COA7: variants seen among roughly 807,000 people sequenced by gnomAD.
COA7 encodes the protein cytochrome c oxidase assembly factor 7.
Under a neutral mutation model 21.0 loss-of-function variants are expected in COA7, and 12 were observed. That is an observed-to-expected ratio of 0.57 (90% CI 0.37 to 0.92). COA7 has a LOEUF of 0.92. Among genes scored for constraint, COA7 ranks in the 40% least tolerant of loss-of-function variants. COA7 has a pLI of 0.01. For synonymous variants in COA7, 95 were observed against 107.4 expected, an observed-to-expected ratio of 0.88 and a Z score of 0.72; for missense variants, 240 against 286.1, an observed-to-expected ratio of 0.84 and a Z score of 1.16.
chr1:52,694,960 A>G (rs755671628), intron 1 of COA7, among the ~76,000 whole-genome samples: 1 of 152,144 alleles, frequency 6.6e-6, no homozygotes, highest in African/African-American at 2.4e-5. Flanking sequence ...ATTTTTTCCA[A>G]CTGAAACAGT....
rs1426185456 is a variant in COA7 at position 52,687,864 on chromosome 1, G to A, written c.552C>T (p.Ile184=). 6.2e-7 allele frequency: 1 copy of A among 1,614,242 alleles called. No individual in the cohort carries two copies. The highest frequency in any genetic ancestry group is 8.5e-7 in the Non-Finnish European group (1 of 1,180,050). The stretch of plus-strand genomic sequence containing the variant: ...TGCGACTGGCATTGGCACAGGCCCA[G>A]ATATGACCCAGGTCACAGGCTTTCA... ...YSMKACDLGH[I]WACANASRMY... The change falls in exon 3 of 3, where the codon ATC becomes ATT. Residue 184 remains isoleucine (I), a synonymous_variant. Transcript: ENST00000371538.
At position 52,685,378 on chromosome 1, in the gene COA7, T is replaced by A. The variant is rs1198787762; in HGVS notation, c.*2342A>T. Reference sequence around the variant, plus strand: ...TGATGACATGTTATATGGAACATCTTTTCATATGCTTATTTGCCACCTGTC... The same window carrying A: ...TGATGACATGTTATATGGAACATCTATTCATATGCTTATTTGCCACCTGTC... On this transcript the variant is annotated 3_prime_UTR_variant, in exon 3 of 3. Transcript: ENST00000371538. The A allele has an allele frequency of 6.6e-6, 1 of 152,252 alleles. No homozygotes were observed. The highest frequency in any genetic ancestry group is 1.5e-5 in the Non-Finnish European group (1 of 68,044). 9.4% of individuals were successfully genotyped at this position (152,252 alleles called of 1,614,324 possible).
At chr1:52,693,085 G>A (rs1027062795) in intron 1 of COA7, among the ~76,000 whole-genome samples, 1 of 152,140 alleles carries the variant, frequency 6.6e-6, no homozygotes, top group African/African-American at 2.4e-5. Context: ...CATGGACTGA[G>A]CAATGCATGG....
rs1558101797 is a variant in COA7, at chr1:52,686,227, T to C, written c.*1493A>G. ...TTTTAAAAAGTGAATTTGATGTCTT[T>C]TGAAATCTCCTCTGTGCACTTGGGG... On this transcript the variant is annotated 3_prime_UTR_variant, in exon 3 of 3. Transcript: ENST00000371538. The C allele has an allele frequency of 6.6e-6, 1 of 152,102 alleles. No individual in the cohort carries two copies. Among genetic ancestry groups the C allele is most frequent in the Non-Finnish European group, 1.5e-5 (1 of 68,040 alleles). 9.4% of individuals were successfully genotyped at this position (152,102 alleles called of 1,614,324 possible). A position where few individuals can be genotyped will look rare whatever the true frequency, so the allele number is the denominator to read the frequency against.
At chr1:52,694,073 G>C (rs889889129) in intron 1 of COA7, among the ~76,000 whole-genome samples, 9 of 152,182 alleles carry the variant, frequency 5.9e-5, no homozygotes, top group Non-Finnish European at 8.8e-5. Flanking sequence ...GTGTACACAT[G>C]GACACAGGGA....
intron 2 of COA7, among the ~76,000 whole-genome samples, chr1:52,690,667 C>CATTT (rs59584460): frequency 0.31 from 46,108 of 149,502 alleles, 7,507 homozygotes; most frequent in Non-Finnish European, 0.38. Flanking sequence ...CATTTATTTA[C>CATTT]ATTTATTTAT....
rs1249335939 is a variant in COA7, at chr1:52,687,824, C to T, written c.592G>A (p.Asp198Asn). Reference sequence around the variant, plus strand: ...TTGGCCTCATCCTTATCAACACCATCCCCCAGCTTGTACATGCGACTGGCA... The same window carrying T: ...TTGGCCTCATCCTTATCAACACCATTCCCCAGCTTGTACATGCGACTGGCA... ...ANASRMYKLG[D>N]GVDKDEAKAE... The change falls in exon 3 of 3, where the codon GAT becomes AAT. Residue 198 changes from aspartate to asparagine, a missense_variant. By Grantham distance (23) the Asp-to-Asn change is conservative. This residue lies in a region of COA7 where 163 missense variants were observed against 214.1 expected (regional missense o/e 0.76). Transcript: ENST00000371538. The T allele has an allele frequency of 6.2e-7, 1 of 1,614,258 alleles. No homozygotes were observed.
At chr1:52,691,396 A>C in intron 2 of COA7, among the ~76,000 whole-genome samples, 1 of 151,540 alleles carries the variant, frequency 6.6e-6, no homozygotes, top group Non-Finnish European at 1.5e-5. Flanking sequence ...TCTGAGAAAC[A>C]GAACAAGATC....
chr1:52,698,127 T>A, intron 1 of COA7, 94 bp downstream of exon 1: 3 of 895,974 alleles, frequency 3.3e-6, no homozygotes, highest in Non-Finnish European at 5.3e-6. Flanking sequence ...GCCCGCCACG[T>A]GATTCCTTCT....
At chr1:52,693,931 C>T (rs918144836) in intron 1 of COA7, among the ~76,000 whole-genome samples, 1 of 152,174 alleles carries the variant, frequency 6.6e-6, no homozygotes, top group Non-Finnish European at 1.5e-5. Flanking sequence ...CTAAAATTTA[C>T]ATTCTAGGGG....
At position 52,687,973 on chromosome 1, in the gene COA7, G is replaced by C; in HGVS notation, c.443C>G (p.Ser148Cys). The C allele has an allele frequency of 6.2e-7, 1 of 1,614,182 alleles. No individual in the cohort carries two copies. The highest frequency in any genetic ancestry group is 8.5e-7 in the Non-Finnish European group (1 of 1,180,036). The change falls in exon 3 of 3, where the codon TCC becomes TGC. Residue 148 changes from serine (S) to cysteine (C), a missense_variant. Ser to Cys is a moderately radical substitution (Grantham distance 112, BLOSUM62 -1). This residue lies in a region of COA7 where 163 missense variants were observed against 214.1 expected (regional missense o/e 0.76). Transcript: ENST00000371538. ...YTRACDGGYTSSCFNLSAMFL... is the reference protein window; with the variant it reads ...YTRACDGGYTCSCFNLSAMFL... ...CATGGCACTGAGGTTGAAGCAACTG[G>C]AAGTATAGCCACCATCACAGGCCCT... is the stretch of plus-strand genomic sequence containing the variant.
intron 2 of COA7, among the ~76,000 whole-genome samples, chr1:52,691,165 T>G (rs1644043719): frequency 6.6e-6 from 1 of 151,700 alleles, no homozygotes; most frequent in South Asian, 2.1e-4. Context: ...CACCTTACCC[T>G]AGCACTTTGA....
intron 1 of COA7, among the ~76,000 whole-genome samples, chr1:52,693,375 C>T (rs866273225): frequency 1.1e-4 from 17 of 151,636 alleles, no homozygotes; most frequent in Admixed American, 2.6e-4. Flanking sequence ...GTCTGGAGTT[C>T]GAGACCAGCC....
chr1:52,694,561 T>C (rs1644070906), intron 1 of COA7, among the ~76,000 whole-genome samples: 1 of 149,352 alleles, frequency 6.7e-6, no homozygotes, highest in Non-Finnish European at 1.5e-5. Context: ...AATAAATACA[T>C]AAATGCTATG....
At chr1:52,694,454 C>G (rs1298303931) in intron 1 of COA7, among the ~76,000 whole-genome samples, 1 of 139,000 alleles carries the variant, frequency 7.2e-6, no homozygotes. Flanking sequence ...GAGCAAAACT[C>G]CATCTCGAAA....
intron 1 of COA7, among the ~76,000 whole-genome samples, chr1:52,693,881 G>C (rs930146074): frequency 6.6e-6 from 1 of 152,122 alleles, no homozygotes; most frequent in Non-Finnish European, 1.5e-5. Context: ...CTATGTACCA[G>C]ACATGGTTCT....
intron 1 of COA7, 66 bp downstream of exon 1, chr1:52,698,155 G>A: frequency 8.7e-7 from 1 of 1,150,250 alleles, no homozygotes; most frequent in Non-Finnish European, 1.3e-6. Flanking sequence ...CTCAGAGGTC[G>A]CAGACCAGAC....
rs1643994315 is a variant in COA7 at position 52,685,529 on chromosome 1, A to G, written c.*2191T>C. On this transcript the variant is annotated 3_prime_UTR_variant, in exon 3 of 3. Coordinates refer to ENST00000371538, the MANE Select transcript of COA7 (RefSeq NM_023077.3). ...ATTTCCCTAATTAGTGATGTTGAACATATTTTCATGTTTTTTGACCTACAG... is the reference window on the plus strand; with the variant it reads ...ATTTCCCTAATTAGTGATGTTGAACGTATTTTCATGTTTTTTGACCTACAG... The G allele has an allele frequency of 6.6e-6, 1 of 151,874 alleles. No individual in the cohort carries two copies. Among genetic ancestry groups the G allele is most frequent in the Non-Finnish European group, 1.5e-5 (1 of 67,990 alleles). 9.4% of individuals were successfully genotyped at this position (151,874 alleles called of 1,614,324 possible).
chr1:52,690,101 G>A (rs1221288850), intron 2 of COA7, among the ~76,000 whole-genome samples: 2 of 150,850 alleles, frequency 1.3e-5, no homozygotes, highest in African/African-American at 4.9e-5. Context: ...TATAGTGCAA[G>A]GCAGGCAAGC....
Sources: allele counts gnomAD v4.1 joint callset (sites outside exome capture counted in the v4.1 genomes callset), GRCh38; gene constraint gnomAD v4.1.1; regional missense constraint gnomAD v4.1.1; transcripts MANE v1.5; gene names NCBI Gene and HGNC (gene_info 2026-07-23, HGNC 2026-07-21).